The following TSPEAR variants were observed in gnomAD, a reference collection of about 807,000 sequenced individuals.
The protein encoded by TSPEAR is thrombospondin type laminin G domain and EAR repeats, also known as thrombospondin-type laminin G domain and EAR repeat-containing protein.
In TSPEAR, 69 loss-of-function variants were observed where a neutral mutation model predicts 71.6. The ratio of observed to expected loss-of-function variants is 0.96; its 90% confidence interval spans 0.79 to 1.18. The LOEUF (loss-of-function observed/expected upper bound fraction) is 1.18. Ranked by LOEUF, TSPEAR falls within the 50% of genes most tolerant of loss-of-function variation. The pLI is 0.00. For synonymous variants in TSPEAR, 402 were observed against 387.2 expected, an observed-to-expected ratio of 1.04 and a Z score of -0.45; for missense variants, 971 against 894.9, an observed-to-expected ratio of 1.09 and a Z score of -1.09.
chr21:44,518,933 G>A (rs782172815), intron 9 of TSPEAR: 19 of 248,204 alleles, frequency 7.7e-5, no homozygotes, highest in South Asian at 4.0e-4. Flanking sequence ...GTGTTTCCAC[G>A]GGAACTGCTG....
intron 1 of TSPEAR, among the ~76,000 whole-genome samples, chr21:44,679,342 G>A (rs1210888190): frequency 6.6e-6 from 1 of 152,118 alleles, no homozygotes; most frequent in Non-Finnish European, 1.5e-5. Context: ...TATAACCAAG[G>A]ATGTGAAAGA....
intron 1 of TSPEAR, among the ~76,000 whole-genome samples, chr21:44,609,206 G>A (rs1235987166): frequency 1.3e-5 from 2 of 152,190 alleles, no homozygotes; most frequent in Non-Finnish European, 2.9e-5. Flanking sequence ...CAAAGAGATA[G>A]CATAAGGGAT....
chr21:44,643,237 G>C (rs1214719150), intron 1 of TSPEAR, among the ~76,000 whole-genome samples: 2 of 152,190 alleles, frequency 1.3e-5, no homozygotes, highest in Non-Finnish European at 2.9e-5. Context: ...GAGTAGAATG[G>C]GGATTCGAGG....
Position 44,504,762 on chromosome 21 carries a change from G to C in TSPEAR, c.1856+18C>G, listed in dbSNP as rs1295030822. ...GAAGCAAGGCTCTGGGAGGAGGCCG[G>C]CCTCGGCAGCTCATTACCTGTAAAT... is the stretch of plus-strand genomic sequence containing the variant. On this transcript the variant is annotated intron_variant, in intron 11 of 11. Coordinates refer to ENST00000323084, the MANE Select transcript of TSPEAR (RefSeq NM_144991.3). 2.5e-6 allele frequency: 4 copies of C among 1,597,742 alleles called. No homozygotes were observed. Among genetic ancestry groups the C allele is most frequent in the Non-Finnish European group, 2.6e-6 (3 of 1,165,814 alleles).
intron 1 of TSPEAR, among the ~76,000 whole-genome samples, chr21:44,604,117 G>C (rs1359871555): frequency 1.3e-5 from 2 of 152,204 alleles, no homozygotes; most frequent in Non-Finnish European, 2.9e-5. Context: ...TGGGAGCCCT[G>C]CTGCCTCTCT....
intron 2 of TSPEAR, 152 bp downstream of exon 2, chr21:44,567,633 A>T: frequency 1.8e-6 from 1 of 564,880 alleles, no homozygotes; most frequent in Non-Finnish European, 2.9e-6. Context: ...CAGGGACCTC[A>T]CTACCTAGCA....
chr21:44,646,743 C>T, intron 1 of TSPEAR: 1 of 1,614,096 alleles, frequency 6.2e-7, no homozygotes, highest in Non-Finnish European at 8.5e-7. Flanking sequence ...CCTCCCCCTG[C>T]CAGCAGGCCT....
At position 44,656,217 on chromosome 21, in the gene TSPEAR, GA is replaced by G. The variant is rs143965804; in HGVS notation, c.82+55215del. On this transcript the variant is annotated intron_variant, in intron 1 of 11. Coordinates refer to ENST00000323084, the MANE Select transcript of TSPEAR (RefSeq NM_144991.3). ...TTGGTTGTCTTACGAGTCGATTACA[GA>G]AGAACAAGGATGCGTCTTTGATATT... Among the ~76,000 whole-genome samples, 34 of 152,338 alleles carry G rather than the reference GA, an allele frequency of 2.2e-4. No individual in the cohort carries two copies. The East Asian group carries it at 6.4e-3, about 28-fold the overall frequency.
intron 1 of TSPEAR, among the ~76,000 whole-genome samples, chr21:44,635,060 T>C (rs1555936381): frequency 1.3e-5 from 2 of 152,094 alleles, no homozygotes; most frequent in Non-Finnish European, 2.9e-5. Flanking sequence ...AGAATGTTTA[T>C]AGGGCCGGGC....
chr21:44,551,966 G>T (rs1294106746), intron 2 of TSPEAR, among the ~76,000 whole-genome samples: 1 of 152,212 alleles, frequency 6.6e-6, no homozygotes, highest in Non-Finnish European at 1.5e-5. Context: ...GCGCTTCCTG[G>T]CGGGCTCTGG....
chr21:44,579,985 T>C, intron 1 of TSPEAR: 1 of 1,612,422 alleles, frequency 6.2e-7, no homozygotes, highest in African/African-American at 1.3e-5. Context: ...GCTGGCAGCA[T>C]GAAGTGGAAG....
chr21:44,669,843 AT>A (rs1194370749), intron 1 of TSPEAR, among the ~76,000 whole-genome samples: 1 of 152,172 alleles, frequency 6.6e-6, no homozygotes, highest in Non-Finnish European at 1.5e-5. Flanking sequence ...AGGTTTGCAA[AT>A]GTTTATATCA....
At chr21:44,518,330 C>G (rs1275307617) in intron 9 of TSPEAR, 1 of 466,574 alleles carries the variant, frequency 2.1e-6, no homozygotes, top group Non-Finnish European at 4.4e-6. Context: ...CGCAGCTGGC[C>G]AGGTACGCTC....
chr21:44,653,329 C>T (rs1370525458), intron 1 of TSPEAR, among the ~76,000 whole-genome samples: 3 of 152,254 alleles, frequency 2.0e-5, no homozygotes, highest in African/African-American at 4.8e-5. Context: ...GTGATCTGCA[C>T]GTGCTGACCT....
intron 2 of TSPEAR, chr21:44,540,157 G>A: frequency 1.2e-6 from 2 of 1,611,276 alleles, no homozygotes; most frequent in Non-Finnish European, 1.7e-6. Context: ...CCATGCTGGG[G>A]TGGGGAGGAG....
rs557321399 is a variant in TSPEAR at position 44,695,518 on chromosome 21, C to T, written c.82+15915G>A. 4.7e-4 allele frequency among the ~76,000 whole-genome samples: 71 copies of T among 152,300 alleles called. No homozygotes were observed. Among genetic ancestry groups the T allele is most frequent in the Middle Eastern group, 3.4e-3 (1 of 294 alleles). ...ACTCCCTCAGGGTTGCAATGACCTC[C>T]GATCCCAAGACCCTTTTCCCAAGTC... On this transcript the variant is annotated intron_variant, in intron 1 of 11. Transcript: ENST00000323084. The surrounding 1 kb of genome is among the most constrained non-coding windows in gnomAD (Gnocchi z 4.5).
intron 1 of TSPEAR, chr21:44,646,957 T>C: frequency 6.2e-7 from 1 of 1,613,364 alleles, no homozygotes; most frequent in Non-Finnish European, 8.5e-7. Flanking sequence ...GGATTCCTCT[T>C]CATGCTGCCA....
intron 11 of TSPEAR, among the ~76,000 whole-genome samples, chr21:44,504,405 G>C (rs1446438513): frequency 6.9e-6 from 1 of 145,542 alleles, no homozygotes; most frequent in African/African-American, 2.6e-5. Flanking sequence ...TGAGCCCTCG[G>C]GGGAAGCAAG....
At position 44,642,720 on chromosome 21, in the gene TSPEAR, T is replaced by A. The variant is rs1984085757; in HGVS notation, c.82+68713A>T. Among the ~76,000 whole-genome samples the A allele has an allele frequency of 6.6e-6, 1 of 152,014 alleles. No homozygotes were observed. Among genetic ancestry groups the A allele is most frequent in the Non-Finnish European group, 1.5e-5 (1 of 68,002 alleles). On this transcript the variant is annotated intron_variant, in intron 1 of 11. Transcript: ENST00000323084. This position sits in a 1 kb window ranked among gnomAD's most constrained non-coding sequence, Gnocchi z 4.1. Reference sequence around the variant, plus strand: ...GGCCAGGTGTGGTGGCAGGCGCCTGTAGTCCCAGCTACCTGGGAGGCTGAG... The same window carrying A: ...GGCCAGGTGTGGTGGCAGGCGCCTGAAGTCCCAGCTACCTGGGAGGCTGAG...
Sources: gnomAD v4.1 joint callset for allele counts (sites outside exome capture counted in the v4.1 genomes callset) on GRCh38, gnomAD v4.1.1 for gene constraint, Gnocchi (gnomAD v3.1) non-coding constraint, MANE v1.5 for transcripts, NCBI Gene and HGNC (gene_info 2026-07-23, HGNC 2026-07-21) for gene names.